Variants in MCF2L2 observed in about 807,000 individuals in gnomAD.
MCF2L2 encodes MCF.2 cell line derived transforming sequence-like 2.
In MCF2L2, 102 loss-of-function variants were observed where a neutral mutation model predicts 150.2. That is an observed-to-expected ratio of 0.68 (90% CI 0.58 to 0.80). The LOEUF is 0.80. Ranked by LOEUF, MCF2L2 falls within the 30% of genes least tolerant of loss-of-function variation. The pLI is 0.00. For missense variants in MCF2L2, 1,256 were observed against 1,372.8 expected (o/e 0.91, Z 1.34); for synonymous variants, 465 against 491.3 (o/e 0.95, Z 0.71).
intron 12 of MCF2L2, chr3:183,296,719 TCAGCA>T (rs1214505138): frequency 2.5e-6 from 1 of 394,826 alleles, no homozygotes; most frequent in African/African-American, 2.0e-5. Context: ...TCCTCAGCAC[TCAGCA>T]CAGCACATGG....
At chr3:183,319,432 T>C (rs1729727455) in intron 6 of MCF2L2, among the ~76,000 whole-genome samples, 1 of 152,260 alleles carries the variant, frequency 6.6e-6, no homozygotes, top group African/African-American at 2.4e-5. Context: ...TTAATACTGA[T>C]ATTTTGACTT....
intron 6 of MCF2L2, among the ~76,000 whole-genome samples, chr3:183,322,962 T>C (rs913611212): frequency 2.0e-5 from 3 of 152,192 alleles, no homozygotes; most frequent in African/African-American, 7.2e-5. Flanking sequence ...AACAGGCTAT[T>C]GGTGTTTCTG....
intron 10 of MCF2L2, among the ~76,000 whole-genome samples, chr3:183,307,289 A>T (rs1396026560): frequency 6.6e-6 from 1 of 152,202 alleles, no homozygotes; most frequent in Non-Finnish European, 1.5e-5. Flanking sequence ...ACTTTAAAGG[A>T]CAAATGGAAA....
At chr3:183,216,481 T>C in intron 21 of MCF2L2, among the ~76,000 whole-genome samples, 1 of 140,144 alleles carries the variant, frequency 7.1e-6, no homozygotes, top group East Asian at 2.0e-4. Context: ...TATATAATTA[T>C]ATGTTTATAT....
chr3:183,360,579 A>G (rs1374116893), intron 3 of MCF2L2, among the ~76,000 whole-genome samples: 3 of 151,950 alleles, frequency 2.0e-5, no homozygotes, highest in Non-Finnish European at 4.4e-5. Flanking sequence ...TCAAAAAAAA[A>G]AGCCATTTGA....
chr3:183,219,624 T>C (rs553860040), intron 21 of MCF2L2, among the ~76,000 whole-genome samples: 1 of 151,720 alleles, frequency 6.6e-6, no homozygotes, highest in Non-Finnish European at 1.5e-5. Context: ...AAAAAAAAAT[T>C]ATGTGGAAGG....
intron 3 of MCF2L2, among the ~76,000 whole-genome samples, chr3:183,366,549 G>A (rs1419822173): frequency 6.6e-6 from 1 of 152,198 alleles, no homozygotes; most frequent in Non-Finnish European, 1.5e-5. Flanking sequence ...AGAGGCTGAG[G>A]CAGGAGAATC....
At chr3:183,309,677 A>C in intron 10 of MCF2L2, 39 bp downstream of exon 10, 1 of 1,613,812 alleles carries the variant, frequency 6.2e-7, no homozygotes, top group Non-Finnish European at 8.5e-7. Flanking sequence ...TGTCCACAGC[A>C]ACCTCCCTCC....
Position 183,270,190 on chromosome 3 carries a change from T to C in MCF2L2, c.1862+6682A>G. On this transcript the variant is annotated intron_variant, in intron 15 of 29. Coordinates refer to ENST00000328913, the MANE Select transcript of MCF2L2 (RefSeq NM_015078.4). This position sits in a 1 kb window ranked among gnomAD's most constrained non-coding sequence, Gnocchi z 4.5. ...GCCAACATCAAAACTCTGTTTGCCT[T>C]AGGAACTCCTAATCCACTGGAGGGA... The C allele has an allele frequency of 1.2e-6, 2 of 1,614,204 alleles. No individual in the cohort carries two copies. Among genetic ancestry groups the C allele is most frequent in the Non-Finnish European group, 1.7e-6 (2 of 1,180,028 alleles).
At chr3:183,391,765 T>C (rs1714166794) in intron 1 of MCF2L2, among the ~76,000 whole-genome samples, 1 of 152,208 alleles carries the variant, frequency 6.6e-6, no homozygotes, top group South Asian at 2.1e-4. Flanking sequence ...ACATAGAGAA[T>C]TTCAGCAGAA....
intron 15 of MCF2L2, among the ~76,000 whole-genome samples, chr3:183,274,660 A>AT (rs1209361906): frequency 6.6e-6 from 1 of 152,190 alleles, no homozygotes; most frequent in Admixed American, 6.5e-5. Flanking sequence ...TTAATGACCT[A>AT]TATTTGGGGA....
intron 15 of MCF2L2, among the ~76,000 whole-genome samples, chr3:183,245,877 CCTT>C (rs1429447414): frequency 6.6e-6 from 1 of 152,196 alleles, no homozygotes; most frequent in Non-Finnish European, 1.5e-5. Flanking sequence ...GCCTTCTCTT[CCTT>C]CTTCTCTGCT....
In MCF2L2 at chr3:183,269,816, T is replaced by C; in HGVS notation, c.1862+7056A>G. The C allele has an allele frequency of 1.9e-6, 3 of 1,608,096 alleles. No homozygotes were observed. The East Asian group carries it at 6.7e-5, about 36-fold the overall frequency. ...GAGTGGATATGAGAATGTTGGTTAG[T>C]GGCAGAAGAGTCAAAAAATGGCAGT... On this transcript the variant is annotated intron_variant, in intron 15 of 29. Transcript: ENST00000328913.
chr3:183,323,815 C>T (rs1191098702), intron 5 of MCF2L2, among the ~76,000 whole-genome samples: 1 of 148,802 alleles, frequency 6.7e-6, no homozygotes, highest in Non-Finnish European at 1.5e-5. Context: ...AAAAAAGTTA[C>T]TATATCCAGC....
In MCF2L2 at chr3:183,305,987, G is replaced by A. The variant is rs1307118214; in HGVS notation, c.1113+3729C>T. Among the ~76,000 whole-genome samples, 4 of 152,216 alleles carry A rather than the reference G, an allele frequency of 2.6e-5. No individual in the cohort carries two copies. Among genetic ancestry groups the A allele is most frequent in the Admixed American group, 6.5e-5 (1 of 15,284 alleles). ...CAACCATATTGCAAGCTGACCACATGAAGTCCCTACCACACATCTAACTCA... is the reference window on the plus strand; with the variant it reads ...CAACCATATTGCAAGCTGACCACATAAAGTCCCTACCACACATCTAACTCA... On this transcript the variant is annotated intron_variant, in intron 10 of 29. Coordinates refer to ENST00000328913, the MANE Select transcript of MCF2L2 (RefSeq NM_015078.4). The surrounding 1 kb of genome is among the most constrained non-coding windows in gnomAD (Gnocchi z 4.1).
intron 15 of MCF2L2, chr3:183,269,504 T>C (rs553918038): frequency 3.9e-4 from 123 of 313,944 alleles, no homozygotes; most frequent in Middle Eastern, 1.9e-3. Context: ...ATAGGTGGCA[T>C]GGAATATTCA....
At chr3:183,180,806 A>C (rs1721492696) in intron 27 of MCF2L2, among the ~76,000 whole-genome samples, 2 of 152,192 alleles carry the variant, frequency 1.3e-5, no homozygotes, top group Non-Finnish European at 2.9e-5. Flanking sequence ...ACAACCCTGT[A>C]AGGGTCTCAG....
At chr3:183,421,307 C>G (rs894995771) in intron 1 of MCF2L2, among the ~76,000 whole-genome samples, 5 of 152,198 alleles carry the variant, frequency 3.3e-5, no homozygotes, top group Non-Finnish European at 7.3e-5. Flanking sequence ...TATTAGTGCA[C>G]TTACTAGTGT....
chr3:183,247,539 G>A (rs373428178), intron 15 of MCF2L2, among the ~76,000 whole-genome samples: 3 of 152,088 alleles, frequency 2.0e-5, no homozygotes, highest in African/African-American at 7.2e-5. Context: ...AATCCCAACA[G>A]GAGTATCCAA....
Sources: allele counts gnomAD v4.1 joint callset (sites outside exome capture counted in the v4.1 genomes callset), GRCh38; gene constraint gnomAD v4.1.1; non-coding constraint Gnocchi (gnomAD v3.1); transcripts MANE v1.5; gene names NCBI Gene and HGNC (gene_info 2026-07-23, HGNC 2026-07-21).